The following TAFA2 variants were observed in gnomAD, a reference collection of about 807,000 sequenced individuals.
TAFA2 encodes TAFA chemokine like family member 2.
Under a neutral mutation model 18.8 loss-of-function variants are expected in TAFA2, and 7 were observed. The observed-to-expected ratio is 0.37, with a 90% CI of 0.21 to 0.70. The LOEUF is 0.70. Ranked by LOEUF, TAFA2 falls within the 30% of genes least tolerant of loss-of-function variation. TAFA2 has a pLI of 0.53. For synonymous variants in TAFA2, 60 were observed against 54.2 expected (o/e 1.11, Z -0.47); for missense variants, 122 against 158.1 (o/e 0.77, Z 1.23).
chr12:62,258,813 A>G (rs1302721421), exon 1 of TAFA2: 1 of 334,556 alleles, frequency 3.0e-6, no homozygotes, highest in Non-Finnish European at 6.1e-6. Context: ...TTCCCTTCAG[A>G]AAATTACTTT....
chr12:62,235,111 C>T, intron 1 of TAFA2: 1 of 636,414 alleles, frequency 1.6e-6, no homozygotes, highest in Non-Finnish European at 3.0e-6. Flanking sequence ...CTGGCCTCTC[C>T]TACAGGCATT....
chr12:62,114,509 T>C (rs1170865732), intron 1 of TAFA2, among the ~76,000 whole-genome samples: 4 of 152,236 alleles, frequency 2.6e-5, no homozygotes. Context: ...CAAAATTGTT[T>C]AAGAATGCAA....
intron 2 of TAFA2, among the ~76,000 whole-genome samples, chr12:61,778,290 C>T (rs1870357722): frequency 6.6e-6 from 1 of 151,740 alleles, no homozygotes; most frequent in Admixed American, 6.6e-5. Context: ...AAGGAAGCTG[C>T]CAAGAAAAAC....
intron 1 of TAFA2, among the ~76,000 whole-genome samples, chr12:62,227,247 C>T (rs776993733): frequency 5.9e-5 from 9 of 152,148 alleles, no homozygotes; most frequent in African/African-American, 2.2e-4. Flanking sequence ...CTTGGCTAAG[C>T]CTTATTTATC....
chr12:62,084,074 C>CA (rs1207804427), intron 1 of TAFA2, among the ~76,000 whole-genome samples: 3 of 152,056 alleles, frequency 2.0e-5, no homozygotes, highest in Non-Finnish European at 4.4e-5. Context: ...AGTACATTTT[C>CA]AAAAAAGCCA....
intron 1 of TAFA2, among the ~76,000 whole-genome samples, chr12:62,031,859 T>C (rs549467691): frequency 2.4e-4 from 36 of 152,334 alleles, no homozygotes; most frequent in Admixed American, 7.8e-4. Context: ...GTCTTAATTA[T>C]GTTTTAGAGT....
rs548674171 is a variant in TAFA2 at position 61,786,764 on chromosome 12, T to C, written c.107-31740A>G. Among the ~76,000 whole-genome samples the C allele has an allele frequency of 4.0e-5, 6 of 151,740 alleles. No individual in the cohort carries two copies. In the East Asian group the frequency reaches 1.2e-3, roughly 30 times the overall value. On this transcript the variant is annotated intron_variant, in intron 2 of 4. Transcript: ENST00000416284. ...AAGGAAGTATACTATTATAAGGTTT[T>C]AATACTATACGTGAAAGAGTATAAT...
intron 4 of TAFA2, among the ~76,000 whole-genome samples, chr12:61,737,599 A>C (rs887515746): frequency 6.6e-6 from 1 of 151,816 alleles, no homozygotes. Context: ...AAAAAAAAAA[A>C]CTTAGTTTCC....
chr12:61,866,801 A>T (rs1347761799), intron 2 of TAFA2, among the ~76,000 whole-genome samples: 1 of 152,210 alleles, frequency 6.6e-6, no homozygotes, highest in Non-Finnish European at 1.5e-5. Flanking sequence ...TAGACATATT[A>T]TTGAGATACA....
At chr12:62,199,181 A>G (rs1424412334) in intron 1 of TAFA2, among the ~76,000 whole-genome samples, 1 of 152,110 alleles carries the variant, frequency 6.6e-6, no homozygotes, top group Non-Finnish European at 1.5e-5. Context: ...AGTAGGCCAC[A>G]TGCCTTTTTA....
intron 1 of TAFA2, among the ~76,000 whole-genome samples, chr12:62,161,415 A>G (rs1200020646): frequency 6.6e-6 from 1 of 152,220 alleles, no homozygotes; most frequent in Non-Finnish European, 1.5e-5. Context: ...CATGGATGGA[A>G]CTGAAGATCA....
intron 1 of TAFA2, among the ~76,000 whole-genome samples, chr12:61,935,909 G>A (rs1448872413): frequency 1.3e-5 from 2 of 151,598 alleles, no homozygotes; most frequent in African/African-American, 4.8e-5. Flanking sequence ...ATTCACAGCT[G>A]AATTCTTCCA....
At chr12:61,896,842 C>A (rs1241296355) in intron 1 of TAFA2, among the ~76,000 whole-genome samples, 1 of 152,088 alleles carries the variant, frequency 6.6e-6, no homozygotes, top group Non-Finnish European at 1.5e-5. Flanking sequence ...TAACTGCTTG[C>A]ATTATTTATG....
intron 1 of TAFA2, among the ~76,000 whole-genome samples, chr12:62,115,105 A>C (rs941698945): frequency 6.6e-6 from 1 of 152,140 alleles, no homozygotes; most frequent in Non-Finnish European, 1.5e-5. Flanking sequence ...TCTTCCCTAT[A>C]ATTTGTCTAT....
At chr12:62,071,514 G>T (rs959112059) in intron 1 of TAFA2, among the ~76,000 whole-genome samples, 1 of 152,134 alleles carries the variant, frequency 6.6e-6, no homozygotes, top group Non-Finnish European at 1.5e-5. Flanking sequence ...GGCCGAGACA[G>T]GAGGATTATT....
chr12:62,185,187 T>C (rs993288339), intron 1 of TAFA2, among the ~76,000 whole-genome samples: 2 of 152,226 alleles, frequency 1.3e-5, no homozygotes, highest in South Asian at 2.1e-4. Flanking sequence ...AAAACTGTCA[T>C]ATAACAGTCA....
intron 1 of TAFA2, among the ~76,000 whole-genome samples, chr12:62,149,149 T>C (rs943516759): frequency 6.6e-6 from 1 of 152,218 alleles, no homozygotes; most frequent in Non-Finnish European, 1.5e-5. Flanking sequence ...ATGAACCCAC[T>C]ATGTATTCTT....
rs2359977 is a variant in TAFA2, at chr12:61,880,048, G to A, written c.-1-12622C>T. ...AGCTGCAGTCCCTGATCTCGGACAC[G>A]TCTGTGGTGCTGTCCATAGACAGCA... On this transcript the variant is annotated intron_variant, in intron 1 of 4. Coordinates refer to ENST00000416284, the MANE Select transcript of TAFA2 (RefSeq NM_178539.5). 2.4e-3 allele frequency: 1,645 copies of A among 696,828 alleles called. 16 individuals are homozygous for A. The African/African-American group carries it at 0.024, about 10-fold the overall frequency. 43.2% of individuals were successfully genotyped at this position (696,828 alleles called of 1,614,324 possible).
intron 1 of TAFA2, among the ~76,000 whole-genome samples, chr12:61,872,624 C>G (rs1328226167): frequency 6.6e-6 from 1 of 152,130 alleles, no homozygotes; most frequent in African/African-American, 2.4e-5. Context: ...CATCTTCCCT[C>G]TCAACCACTC....
Sources: allele counts gnomAD v4.1 joint callset (sites outside exome capture counted in the v4.1 genomes callset), GRCh38; gene constraint gnomAD v4.1.1; transcripts MANE v1.5; gene names NCBI Gene and HGNC (gene_info 2026-07-23, HGNC 2026-07-21).